Variants in AKAP9 observed in about 807,000 individuals in gnomAD.
AKAP9 encodes the protein A-kinase anchoring protein 9.
A neutral mutation model predicts 488.5 loss-of-function variants in AKAP9; 311 were observed. That is an observed-to-expected ratio of 0.64 (90% CI 0.58 to 0.70). The LOEUF is 0.70. AKAP9 is among the 30% of genes least tolerant of loss of function. The pLI is 0.00. For missense variants in AKAP9, 4,215 were observed against 4,374.5 expected, an observed-to-expected ratio of 0.96 and a Z score of 1.03; for synonymous variants, 1,462 against 1,483.5, an observed-to-expected ratio of 0.99 and a Z score of 0.33.
chr7:92,072,704 G>A (rs910136308), intron 28 of AKAP9, among the ~76,000 whole-genome samples: 1 of 152,196 alleles, frequency 6.6e-6, no homozygotes, highest in African/African-American at 2.4e-5. Flanking sequence ...AGGAATAGAA[G>A]GATTTTAGAA....
At position 92,083,578 on chromosome 7, in the gene AKAP9, C is replaced by T. The variant is rs766106000; in HGVS notation, c.8569C>T (p.His2857Tyr). The change falls in exon 33 of 50, where the codon CAC (histidine) becomes TAC (tyrosine). Residue 2857 changes from histidine to tyrosine, a missense_variant. His to Tyr is a moderately conservative substitution (Grantham distance 83). Transcript: ENST00000356239. ...ISETETLKRE[H>Y]YVAVQLLKEE... ...AGAAACTGAAACCTTAAAGAGGGAACACTATGTTGCCGTTCAGTTACTGAA... is the reference window on the plus strand; with the variant it reads ...AGAAACTGAAACCTTAAAGAGGGAATACTATGTTGCCGTTCAGTTACTGAA... The T allele has an allele frequency of 3.1e-6, 5 of 1,601,204 alleles. No individual in the cohort carries two copies. In the African/African-American group the frequency reaches 6.8e-5, roughly 22 times the overall value.
At position 91,973,829 on chromosome 7, in the gene AKAP9, A is replaced by G. The variant is rs1366809038; in HGVS notation, c.167A>G (p.Asn56Ser). 6.2e-7 allele frequency: 1 copy of G among 1,614,054 alleles called. No homozygotes were observed. Among genetic ancestry groups the G allele is most frequent in the Non-Finnish European group, 8.5e-7 (1 of 1,180,032 alleles). ...GATGTGTCAGCACACCATGATTTGAATATTGATCAATCACAGTGTAATGAA... is the reference window on the plus strand; with the variant it reads ...GATGTGTCAGCACACCATGATTTGAGTATTGATCAATCACAGTGTAATGAA... ...KHDVSAHHDLNIDQSQCNEMY... is the reference protein window; with the variant it reads ...KHDVSAHHDLSIDQSQCNEMY... The change falls in exon 2 of 50, where the codon AAT (asparagine) becomes AGT (serine). Residue 56 changes from asparagine (N) to serine (S), a missense_variant. This residue lies in a region of AKAP9 where 2,361 missense variants were observed against 2,430.0 expected (regional missense o/e 0.97). Coordinates refer to ENST00000356239, the MANE Select transcript of AKAP9 (RefSeq NM_005751.5).
chr7:92,096,573 G>A, intron 40 of AKAP9, 116 bp from the exon 41 acceptor site: 2 of 1,154,540 alleles, frequency 1.7e-6, no homozygotes, highest in South Asian at 1.4e-5. Context: ...TTGACCTCAG[G>A]TGATCTGCCC....
chr7:92,030,142 C>T, intron 15 of AKAP9, 151 bp downstream of exon 15: 2 of 622,500 alleles, frequency 3.2e-6, no homozygotes, highest in South Asian at 4.3e-5. Flanking sequence ...TCAGAATACA[C>T]ATGTAAAGAA....
chr7:92,085,345 C>T, intron 35 of AKAP9, 150 bp from the exon 36 acceptor site: 1 of 752,724 alleles, frequency 1.3e-6, no homozygotes, highest in Non-Finnish European at 2.2e-6. Context: ...GTTGGCTTAC[C>T]CCTCCACAGG....
rs746900083 is a variant in AKAP9 at position 91,995,794 on chromosome 7, T to C, written c.924T>C (p.Tyr308=). Reference sequence around the variant, plus strand: ...TCTTGCAAGAGAAAATTAAAGTATATGAAATGGTATGTTTATTTTAAGGAA... The same window carrying C: ...TCTTGCAAGAGAAAATTAAAGTATACGAAATGGTATGTTTATTTTAAGGAA... ...ISFLQEKIKV[Y]EMEQDKKVEN... is the part of the protein sequence containing the mutation. Residue 308 remains tyrosine (Y), a synonymous_variant, in exon 7 of 50, where the codon TAT becomes TAC. Transcript: ENST00000356239. 23 of 1,599,642 alleles carry C rather than the reference T, an allele frequency of 1.4e-5. No individual in the cohort carries two copies. The highest frequency in any genetic ancestry group is 1.5e-5 in the Non-Finnish European group (18 of 1,168,452).
At chr7:91,944,361 T>A (rs1791160289) in intron 1 of AKAP9, among the ~76,000 whole-genome samples, 1 of 152,142 alleles carries the variant, frequency 6.6e-6, no homozygotes, top group African/African-American at 2.4e-5. Flanking sequence ...TGATACAATG[T>A]ATCTCTTTTA....
intron 1 of AKAP9, among the ~76,000 whole-genome samples, chr7:91,961,045 A>AG (rs1793669757): frequency 6.6e-6 from 1 of 152,268 alleles, no homozygotes; most frequent in African/African-American, 2.4e-5. Flanking sequence ...CCTACTGTTA[A>AG]GATCATATAT....
intron 1 of AKAP9, among the ~76,000 whole-genome samples, chr7:91,961,736 C>T (rs183951560): frequency 6.6e-5 from 10 of 151,290 alleles, no homozygotes; most frequent in African/African-American, 9.7e-5. Context: ...CCCAGCTACT[C>T]GGGAGGCTGA....
chr7:92,034,168 G>C (rs1400038267), intron 16 of AKAP9, among the ~76,000 whole-genome samples: 1 of 152,036 alleles, frequency 6.6e-6, no homozygotes, highest in Middle Eastern at 3.2e-3. Flanking sequence ...AAATATGAAA[G>C]GGAAAGTCAA....
Position 92,038,667 on chromosome 7 carries a change from A to G in AKAP9, c.4587A>G (p.Leu1529=). Residue 1529 remains leucine, a synonymous_variant, in exon 17 of 50, where the codon TTA becomes TTG. Transcript: ENST00000356239. ...TAGGAGAACATGGAAAGGAAATTTT[A>G]TTATCAAATAGTGATCCCCATGATA... ...KELGEHGKEI[L]LSNSDPHDIP... 6.2e-7 allele frequency: 1 copy of G among 1,610,420 alleles called. No homozygotes were observed.
rs545746183 is a variant in AKAP9, at chr7:92,041,069, T to C, written c.4917+171T>C. 7 of 591,764 alleles carry C rather than the reference T, an allele frequency of 1.2e-5. No individual in the cohort carries two copies. The African/African-American group carries it at 1.3e-4, about 11-fold the overall frequency. The allele number at this position is 591,764 out of a possible 1,614,324, so 36.7% of individuals were successfully genotyped here. A position where few individuals can be genotyped will look rare whatever the true frequency, so the allele number is the denominator to read the frequency against. ...TATTTAGCATCAGGAACACACTCTA[T>C]ACTAAGACAGCAGCTTTAGATCTTG... On this transcript the variant is annotated intron_variant, in intron 18 of 49. Coordinates refer to ENST00000356239, the MANE Select transcript of AKAP9 (RefSeq NM_005751.5).
intron 8 of AKAP9, among the ~76,000 whole-genome samples, chr7:92,007,269 A>G (rs1291790167): frequency 1.4e-5 from 2 of 146,240 alleles, no homozygotes; most frequent in African/African-American, 2.5e-5. Flanking sequence ...ATTAAGCATG[A>G]GAACTGAAAT....
intron 16 of AKAP9, among the ~76,000 whole-genome samples, chr7:92,034,496 A>AT (rs1364779899): frequency 0.15 from 14,861 of 100,970 alleles, 944 homozygotes; most frequent in Non-Finnish European, 0.18. Flanking sequence ...ATATATATAT[A>AT]TATTTTTTTT....
Position 92,014,403 on chromosome 7 carries a change from A to T in AKAP9, c.3612+75A>T. 10 of 1,080,476 alleles carry T rather than the reference A, an allele frequency of 9.3e-6. No homozygotes were observed. The South Asian group carries it at 1.3e-4, about 14-fold the overall frequency. The allele number at this position is 1,080,476 out of a possible 1,614,324, so 66.9% of individuals were successfully genotyped here. A position where few individuals can be genotyped will look rare whatever the true frequency, so the allele number is the denominator to read the frequency against. On this transcript the variant is annotated intron_variant, in intron 10 of 49. Transcript: ENST00000356239. ...ATAATCCCAGCACTTTGGGAGGCTG[A>T]GGTGGTCAGATCACTTGAGTTCGAG...
intron 37 of AKAP9, among the ~76,000 whole-genome samples, chr7:92,089,164 G>T (rs1268706531): frequency 6.6e-6 from 1 of 152,076 alleles, no homozygotes; most frequent in Non-Finnish European, 1.5e-5. Context: ...TTATGTAAAA[G>T]AATGTTCTTG....
chr7:91,947,318 G>A (rs1584519963), intron 1 of AKAP9, among the ~76,000 whole-genome samples: 1 of 152,120 alleles, frequency 6.6e-6, no homozygotes, highest in African/African-American at 2.4e-5. Flanking sequence ...GCCTACGACT[G>A]CAGCTATGAA....
intron 21 of AKAP9, among the ~76,000 whole-genome samples, chr7:92,051,095 A>G (rs1807901317): frequency 6.6e-6 from 1 of 152,060 alleles, no homozygotes; most frequent in African/African-American, 2.4e-5. Context: ...TTTATAGCAA[A>G]ACCCCTAAGG....
intron 20 of AKAP9, 88 bp downstream of exon 20, chr7:92,042,859 CA>C: frequency 1.1e-6 from 1 of 875,376 alleles, no homozygotes. Flanking sequence ...TTATCTTGTA[CA>C]TTGATACTTT....
Sources: gnomAD v4.1 joint callset for allele counts (sites outside exome capture counted in the v4.1 genomes callset) on GRCh38, gnomAD v4.1.1 for gene constraint, gnomAD v4.1.1 regional missense constraint, MANE v1.5 for transcripts, NCBI Gene and HGNC (gene_info 2026-07-23, HGNC 2026-07-21) for gene names.